The following USH2A variants were observed in gnomAD, a reference collection of about 807,000 sequenced individuals.
USH2A encodes the protein Usher syndrome 2A (autosomal recessive, mild).
Under a neutral mutation model 538.9 loss-of-function variants are expected in USH2A, and 443 were observed. The observed-to-expected ratio is 0.82, with a 90% CI of 0.76 to 0.89. The LOEUF (loss-of-function observed/expected upper bound fraction) is 0.89. USH2A is among the 40% of genes least tolerant of loss of function. USH2A has a pLI of 0.00. For missense variants in USH2A, 6,633 were observed against 6,324.8 expected (o/e 1.05, Z -1.65); for synonymous variants, 2,413 against 2,273.5 (o/e 1.06, Z -1.75).
intron 21 of USH2A, among the ~76,000 whole-genome samples, chr1:216,119,302 T>C (rs1168787528): frequency 1.3e-5 from 2 of 152,148 alleles, no homozygotes; most frequent in Non-Finnish European, 2.9e-5. Context: ...TAAATGATTT[T>C]ACCCACTGAT....
intron 40 of USH2A, among the ~76,000 whole-genome samples, chr1:215,897,196 A>C (rs1360937921): frequency 6.6e-6 from 1 of 152,044 alleles, no homozygotes; most frequent in Non-Finnish European, 1.5e-5. Flanking sequence ...CACCTGTGTC[A>C]CAGGCTTGCT....
At chr1:215,670,784 A>G (rs762832043) in intron 64 of USH2A, among the ~76,000 whole-genome samples, 188 bp downstream of exon 64, 19 of 152,340 alleles carry the variant, frequency 1.2e-4, no homozygotes, top group Middle Eastern at 3.4e-3. Context: ...TCAAAAACCA[A>G]GAAAATGAAA....
At chr1:216,216,813 T>G (rs1419031753) in intron 15 of USH2A, among the ~76,000 whole-genome samples, 1 of 152,040 alleles carries the variant, frequency 6.6e-6, no homozygotes, top group East Asian at 1.9e-4. Context: ...GAGAGATATT[T>G]AAATGAGTGA....
At chr1:216,138,272 A>G (rs981939403) in intron 21 of USH2A, among the ~76,000 whole-genome samples, 1 of 152,224 alleles carries the variant, frequency 6.6e-6, no homozygotes, top group Admixed American at 6.5e-5. Context: ...TAAGCCAATC[A>G]ACACTTAGTA....
chr1:216,332,649 C>G (rs1188267146), intron 4 of USH2A, among the ~76,000 whole-genome samples: 3 of 152,092 alleles, frequency 2.0e-5, no homozygotes, highest in Admixed American at 6.6e-5. Flanking sequence ...GTACAGATCT[C>G]TCACCAGAGA....
intron 11 of USH2A, among the ~76,000 whole-genome samples, chr1:216,267,477 G>A (rs751175024): frequency 4.8e-4 from 73 of 152,180 alleles, no homozygotes; most frequent in Middle Eastern, 3.4e-3. Context: ...GATCAAGAGA[G>A]TTTTTAAATG....
chr1:216,156,284 CTTTTTTTTTTCTTTTT>C (rs997606877), intron 21 of USH2A, among the ~76,000 whole-genome samples: 9 of 102,588 alleles, frequency 8.8e-5, no homozygotes, highest in African/African-American at 3.5e-4. Flanking sequence ...TTCTTTCTTT[CTTTTTTTTTTCTTTTT>C]TTTTTTTTTT....
intron 64 of USH2A, among the ~76,000 whole-genome samples, chr1:215,663,282 C>T (rs1473505892): frequency 6.6e-6 from 1 of 152,148 alleles, no homozygotes; most frequent in Non-Finnish European, 1.5e-5. Context: ...GGGGCATGGA[C>T]CTACTAAGTA....
chr1:216,085,928 C>A (rs2032116035), intron 24 of USH2A, among the ~76,000 whole-genome samples: 1 of 152,018 alleles, frequency 6.6e-6, no homozygotes, highest in Non-Finnish European at 1.5e-5. Context: ...GAGACTGCAA[C>A]CCATGAACAA....
intron 24 of USH2A, among the ~76,000 whole-genome samples, chr1:216,085,759 G>A (rs1288323533): frequency 2.7e-5 from 4 of 146,830 alleles, no homozygotes; most frequent in Non-Finnish European, 6.0e-5. Flanking sequence ...TGTTTTAGAG[G>A]GACTTCTCTG....
chr1:216,362,166 C>A (rs890612942), intron 4 of USH2A, among the ~76,000 whole-genome samples: 1 of 151,930 alleles, frequency 6.6e-6, no homozygotes, highest in Non-Finnish European at 1.5e-5. Flanking sequence ...AATATCTAGA[C>A]CACAAAGTTC....
intron 32 of USH2A, among the ~76,000 whole-genome samples, chr1:216,037,807 G>T (rs1476981587): frequency 1.4e-5 from 2 of 147,070 alleles, no homozygotes; most frequent in African/African-American, 5.0e-5. Context: ...GTACCCATTA[G>T]TTTTTTTTTT....
At chr1:216,127,356 C>T (rs374345711) in intron 21 of USH2A, among the ~76,000 whole-genome samples, 4 of 152,238 alleles carry the variant, frequency 2.6e-5, no homozygotes, top group African/African-American at 9.6e-5. Context: ...ACAGCAATAT[C>T]CTTGGCACCC....
intron 32 of USH2A, 133 bp from the exon 33 acceptor site, chr1:216,000,695 A>G: frequency 1.8e-6 from 2 of 1,094,716 alleles, no homozygotes; most frequent in Middle Eastern, 2.4e-4. Flanking sequence ...AGCCATAAAA[A>G]TCAATAGCAA....
At chr1:216,405,527 A>C (rs2039381001) in intron 3 of USH2A, among the ~76,000 whole-genome samples, 1 of 152,194 alleles carries the variant, frequency 6.6e-6, no homozygotes, top group Admixed American at 6.5e-5. Context: ...TTAAATAGTA[A>C]AATAAATGTA....
intron 44 of USH2A, among the ~76,000 whole-genome samples, chr1:215,866,307 T>A (rs1433897721): frequency 1.3e-5 from 2 of 152,146 alleles, no homozygotes; most frequent in African/African-American, 2.4e-5. Flanking sequence ...ACCAAGTAAC[T>A]GTGAAATTTC....
chr1:215,938,320 G>A (rs192827411), intron 37 of USH2A, among the ~76,000 whole-genome samples: 89 of 152,126 alleles, frequency 5.9e-4, no homozygotes, highest in African/African-American at 1.9e-3. Flanking sequence ...AACCAAAGCA[G>A]GATCCACAGA....
chr1:216,254,111 AT>A (rs2036214918), intron 11 of USH2A, among the ~76,000 whole-genome samples: 1 of 152,220 alleles, frequency 6.6e-6, no homozygotes, highest in South Asian at 2.1e-4. Context: ...TCTGCCACAA[AT>A]TAATAAAATA....
chr1:215,941,523 T>G (rs771354761), intron 37 of USH2A, among the ~76,000 whole-genome samples: 3 of 152,152 alleles, frequency 2.0e-5, no homozygotes, highest in Non-Finnish European at 4.4e-5. Context: ...CAGCTAAAAG[T>G]TATTGAACAA....
Sources: allele counts gnomAD v4.1 joint callset (sites outside exome capture counted in the v4.1 genomes callset), GRCh38; gene constraint gnomAD v4.1.1; transcripts MANE v1.5; gene names NCBI Gene and HGNC (gene_info 2026-07-23, HGNC 2026-07-21).